The following SOX30 variants were observed in gnomAD, a reference collection of about 807,000 sequenced individuals.
The protein encoded by SOX30 is SRY-box transcription factor 30.
SOX30 carries 17 observed loss-of-function variants against 58.6 expected under a neutral mutation model. The ratio of observed to expected loss-of-function variants is 0.29; its 90% confidence interval spans 0.20 to 0.44. SOX30 has a LOEUF of 0.44. Ranked by LOEUF, SOX30 falls within the 20% of genes least tolerant of loss-of-function variation. The pLI, the probability that SOX30 is intolerant of heterozygous loss-of-function variation, is 1.00. For missense variants in SOX30, 951 were observed against 965.8 expected, an observed-to-expected ratio of 0.98 and a Z score of 0.20; for synonymous variants, 421 against 400.2, an observed-to-expected ratio of 1.05 and a Z score of -0.62.
chr5:157,645,811 G>A (rs919368449), intron 3 of SOX30, among the ~76,000 whole-genome samples: 12 of 151,950 alleles, frequency 7.9e-5, no homozygotes, highest in Non-Finnish European at 1.5e-4. Context: ...ATCTGAGGTC[G>A]GGAGTTCCAG....
chr5:157,651,770 G>A lies in SOX30; in HGVS notation c.309C>T (p.Phe103=), dbSNP rs772377894. ...GCTGCAGGAGCCGCAGGTCGGGCCT[G>A]AACTGCAACAGCCGCGCCTGCGCGG... is the stretch of plus-strand genomic sequence containing the variant. The part of the protein sequence containing the change: ...ASSAQARLLQ[F]RPDLRLLQPP... Residue 103 remains phenylalanine (F), a synonymous_variant, in exon 1 of 5, where the codon TTC becomes TTT. Transcript: ENST00000265007. 5 of 1,560,766 alleles carry A rather than the reference G, an allele frequency of 3.2e-6. No individual in the cohort carries two copies. The highest frequency in any genetic ancestry group is 1.2e-5 in the South Asian group (1 of 86,216).
intron 3 of SOX30, among the ~76,000 whole-genome samples, chr5:157,640,781 A>G (rs1759042760): frequency 6.6e-6 from 1 of 151,942 alleles, no homozygotes; most frequent in Non-Finnish European, 1.5e-5. Context: ...GCCCAGGGAG[A>G]TTTTCTGATC....
chr5:157,652,008 A>C lies in SOX30; in HGVS notation c.71T>G (p.Val24Gly). 4 of 1,427,596 alleles carry C rather than the reference A, an allele frequency of 2.8e-6. No individual in the cohort carries two copies. Among genetic ancestry groups the C allele is most frequent in the Non-Finnish European group, 3.6e-6 (4 of 1,098,742 alleles). 88.4% of individuals were successfully genotyped at this position (1,427,596 alleles called of 1,614,324 possible). ...TGCTGCCCAAAAGGAGGTGCCCTCG[A>C]CCGGCAGCGGGGGCGGAGCGGGACG... The part of the protein sequence containing the change: ...PLRPAPPPLP[V>G]EGTSFWAAAM... Residue 24 changes from valine to glycine, a missense_variant, in exon 1 of 5, where the codon GTC becomes GGC. Val to Gly is a moderately radical substitution (Grantham distance 109). Coordinates refer to ENST00000265007, the MANE Select transcript of SOX30 (RefSeq NM_178424.2).
At chr5:157,646,587 T>C in intron 3 of SOX30, 50 bp downstream of exon 3, 1 of 1,387,790 alleles carries the variant, frequency 7.2e-7, no homozygotes, top group Non-Finnish European at 9.9e-7. Context: ...TGAGGTAAAA[T>C]TTTCTTGCAG....
chr5:157,638,429 T>C lies in SOX30; in HGVS notation c.1681A>G (p.Thr561Ala). ...GAATACTCCCTAGGAGGTTGGATGGTCGAAGTTGCAAATCTGGCATGGGCA... is the reference window on the plus strand; with the variant it reads ...GAATACTCCCTAGGAGGTTGGATGGCCGAAGTTGCAAATCTGGCATGGGCA... ...STAHARFATS[T>A]IQPPREYSSV... Residue 561 changes from threonine to alanine, a missense_variant, in exon 4 of 5, where the codon ACC becomes GCC. This residue lies in a region of SOX30 where 381 missense variants were observed against 390.0 expected (regional missense o/e 0.98). Transcript: ENST00000265007. The C allele has an allele frequency of 6.2e-7, 1 of 1,614,080 alleles. No individual in the cohort carries two copies. Among genetic ancestry groups the C allele is most frequent in the South Asian group, 1.1e-5 (1 of 91,072 alleles).
At chr5:157,654,556 C>A (rs1173809523), upstream of SOX30, among the ~76,000 whole-genome samples, 1 of 152,106 alleles carries the variant, frequency 6.6e-6, no homozygotes, top group Non-Finnish European at 1.5e-5. Flanking sequence ...GTGTGTGAAC[C>A]AGAGCACCTC....
Position 157,652,149 on chromosome 5 carries a change from C to G in SOX30, c.-71G>C. On this transcript the variant is annotated 5_prime_UTR_variant, in exon 1 of 5. Transcript: ENST00000265007. Reference sequence around the variant, plus strand: ...TTGGCGACCTTCCCCCTCCCCCTTTCGGTTAAGAGCCTTGCAAGGCCTTTG... The same window carrying G: ...TTGGCGACCTTCCCCCTCCCCCTTTGGGTTAAGAGCCTTGCAAGGCCTTTG... 7.3e-7 allele frequency: 1 copy of G among 1,378,416 alleles called. No individual in the cohort carries two copies. The highest frequency in any genetic ancestry group is 9.3e-7 in the Non-Finnish European group (1 of 1,074,694). The allele number at this position is 1,378,416 out of a possible 1,614,324, so 85.4% of individuals were successfully genotyped here. A position where few individuals can be genotyped will look rare whatever the true frequency, so the allele number is the denominator to read the frequency against.
rs188286642 is a variant in SOX30, at chr5:157,629,839, C to T, written c.1881-3118G>A. Among the ~76,000 whole-genome samples, 21 of 152,312 alleles carry T rather than the reference C, an allele frequency of 1.4e-4. No individual in the cohort carries two copies. In the East Asian group the frequency reaches 4.0e-3, roughly 29 times the overall value. ...AGTGATATAATTAGTAAGTGGTAGA[C>T]AGAATCAGGCAATTTGACTCCAGAA... On this transcript the variant is annotated intron_variant, in intron 4 of 4. Coordinates refer to ENST00000265007, the MANE Select transcript of SOX30 (RefSeq NM_178424.2).
intron 2 of SOX30, among the ~76,000 whole-genome samples, chr5:157,665,497 T>A (rs1759652591): frequency 6.6e-6 from 1 of 151,914 alleles, no homozygotes; most frequent in Non-Finnish European, 1.5e-5. Flanking sequence ...TACCTAATGT[T>A]AAATGACGAG....
intron 2 of SOX30, among the ~76,000 whole-genome samples, chr5:157,665,584 AACTT>A (rs1213946807): frequency 2.0e-5 from 3 of 150,068 alleles, no homozygotes; most frequent in Non-Finnish European, 4.4e-5. Context: ...TGTACCCTAA[AACTT>A]AAAGTATAAT....
At position 157,652,068 on chromosome 5, in the gene SOX30, G is replaced by C. The variant is rs1006894753; in HGVS notation, c.11C>G (p.Ala4Gly). Residue 4 changes from alanine to glycine, a missense_variant, in exon 1 of 5, where the codon GCC becomes GGC. By Grantham distance (60) the Ala-to-Gly change is moderately conservative. This residue lies in a region of SOX30 where 363 missense variants were observed against 294.5 expected (regional missense o/e 1.23). Coordinates refer to ENST00000265007, the MANE Select transcript of SOX30 (RefSeq NM_178424.2). The stretch of plus-strand genomic sequence containing the variant: ...CGGCTGAGGCGGCGGCTCGGGTCTG[G>C]CTCTCTCCATGGGGGAGGGGGACGC... The part of the protein sequence containing the change: MER[A>G]RPEPPPQPRP... 1.4e-6 allele frequency: 2 copies of C among 1,417,632 alleles called. No individual in the cohort carries two copies. Among genetic ancestry groups the C allele is most frequent in the Admixed American group, 3.1e-5 (1 of 32,626 alleles). The allele number at this position is 1,417,632 out of a possible 1,614,324, so 87.8% of individuals were successfully genotyped here. A position where few individuals can be genotyped will look rare whatever the true frequency, so the allele number is the denominator to read the frequency against.
chr5:157,636,353 AC>A (rs1758927236), intron 4 of SOX30, among the ~76,000 whole-genome samples: 1 of 152,240 alleles, frequency 6.6e-6, no homozygotes, highest in Middle Eastern at 3.4e-3. Context: ...TTCAATCTAC[AC>A]CCTTCATATT....
intron 3 of SOX30, 111 bp from the exon 4 acceptor site, chr5:157,638,833 T>C (rs777200268): frequency 1.6e-5 from 16 of 1,003,410 alleles, no homozygotes; most frequent in Non-Finnish European, 2.0e-5. Flanking sequence ...TCAATCACCT[T>C]ACCTAACTGC....
Position 157,626,685 on chromosome 5 carries a change from T to C in SOX30, c.1917A>G (p.Gly639=), listed in dbSNP as rs1758664872. 1.9e-6 allele frequency: 3 copies of C among 1,612,686 alleles called. No homozygotes were observed. In the African/African-American group the frequency reaches 4.0e-5, roughly 22 times the overall value. The part of the protein sequence containing the change: ...CPYSRPPFGY[G]NFPSSMPECL... The stretch of plus-strand genomic sequence containing the variant: ...ATTCTGGCATTGAACTCGGAAAATT[T>C]CCATAGCCAAAGGGAGGCCGACTGT... The change falls in exon 5 of 5, where the codon GGA becomes GGG. Residue 639 remains glycine, a synonymous_variant. Transcript: ENST00000265007.
chr5:157,633,870 A>G (rs1226249303), intron 4 of SOX30, among the ~76,000 whole-genome samples: 1 of 152,180 alleles, frequency 6.6e-6, no homozygotes, highest in Non-Finnish European at 1.5e-5. Flanking sequence ...ACTTACATAG[A>G]TTTTAAACAC....
intron 3 of SOX30, among the ~76,000 whole-genome samples, chr5:157,641,219 T>C (rs1759051903): frequency 6.6e-6 from 1 of 150,606 alleles, no homozygotes; most frequent in Non-Finnish European, 1.5e-5. Flanking sequence ...CAAGATCCCA[T>C]CTCTACAGAA....
exon 1 of SOX30, chr5:157,671,330 C>G: frequency 4.2e-6 from 2 of 478,420 alleles, no homozygotes; most frequent in Non-Finnish European, 7.4e-6. Context: ...CTCAGCTCAC[C>G]GCACCCCACT....
chr5:157,648,998 T>A, intron 1 of SOX30, 102 bp from the exon 2 acceptor site: 2 of 1,438,434 alleles, frequency 1.4e-6, no homozygotes, highest in Non-Finnish European at 1.8e-6. Flanking sequence ...TTTTGAAATA[T>A]CTGGAGGAAA....
chr5:157,649,383 T>A (rs1283842675), intron 1 of SOX30, among the ~76,000 whole-genome samples: 2 of 152,248 alleles, frequency 1.3e-5, no homozygotes, highest in Non-Finnish European at 2.9e-5. Context: ...AAACTATTTA[T>A]AATATTGTAA....
Sources: gnomAD v4.1 joint callset for allele counts (sites outside exome capture counted in the v4.1 genomes callset) on GRCh38, gnomAD v4.1.1 for gene constraint, gnomAD v4.1.1 regional missense constraint, MANE v1.5 for transcripts, NCBI Gene and HGNC (gene_info 2026-07-23, HGNC 2026-07-21) for gene names.